PXDN: variants seen among roughly 807,000 people sequenced by gnomAD.
PXDN encodes the protein peroxidasin homolog.
A neutral mutation model predicts 140.3 loss-of-function variants in PXDN; 77 were observed. The observed-to-expected ratio is 0.55, with a 90% CI of 0.46 to 0.66. The LOEUF (loss-of-function observed/expected upper bound fraction) is 0.66, where lower values mean the gene tolerates loss of function less well. PXDN is among the 30% of genes least tolerant of loss of function. The probability of loss-of-function intolerance (pLI) is 0.00; values close to 1 mark genes in which losing one functional copy is unlikely to be tolerated. For missense variants in PXDN, 1,838 were observed against 2,039.5 expected, an observed-to-expected ratio of 0.90 and a Z score of 1.90; for synonymous variants, 911 against 857.4, an observed-to-expected ratio of 1.06 and a Z score of -1.09.
chr2:1,735,311 C>T (rs114010770), intron 1 of PXDN, among the ~76,000 whole-genome samples: 3,376 of 152,286 alleles, frequency 0.022, 53 homozygotes, highest in South Asian at 0.038. Flanking sequence ...AATGATGACT[C>T]CTTTCCAGAA....
At chr2:1,659,962 G>A (rs912496603) in intron 14 of PXDN, among the ~76,000 whole-genome samples, 2 of 152,228 alleles carry the variant, frequency 1.3e-5, no homozygotes, top group Non-Finnish European at 2.9e-5. Flanking sequence ...TAGAGTCACA[G>A]TGGAGGCCCG....
chr2:1,680,058 G>T (rs1342923983), intron 7 of PXDN, 135 bp downstream of exon 7: 1 of 1,151,308 alleles, frequency 8.7e-7, no homozygotes, highest in Non-Finnish European at 1.2e-6. Flanking sequence ...GTCTGCGCGT[G>T]TGTCTATAAA....
At chr2:1,657,052 C>T (rs1473958136) in intron 14 of PXDN, among the ~76,000 whole-genome samples, 1 of 150,734 alleles carries the variant, frequency 6.6e-6, no homozygotes, top group African/African-American at 2.4e-5. Flanking sequence ...TGACCTTGCC[C>T]CTCCTGAATG....
intron 9 of PXDN, among the ~76,000 whole-genome samples, chr2:1,672,908 G>A (rs754382879): frequency 2.6e-5 from 4 of 152,314 alleles, no homozygotes; most frequent in Non-Finnish European, 5.9e-5. Flanking sequence ...CAGCCTCCCT[G>A]GGTAAGGGCT....
intron 12 of PXDN, among the ~76,000 whole-genome samples, chr2:1,663,321 G>GA (rs935255307): frequency 6.6e-6 from 1 of 152,004 alleles, no homozygotes; most frequent in Non-Finnish European, 1.5e-5. Context: ...TTAACCAAGG[G>GA]AAAAAACCTG....
intron 1 of PXDN, among the ~76,000 whole-genome samples, chr2:1,721,796 A>T (rs1685059612): frequency 6.6e-6 from 1 of 151,194 alleles, no homozygotes; most frequent in African/African-American, 2.4e-5. Flanking sequence ...CCTGGGAGAC[A>T]GAGAGAGACT....
At chr2:1,653,427 G>C in intron 16 of PXDN, 1 of 792,696 alleles carries the variant, frequency 1.3e-6, no homozygotes, top group Non-Finnish European at 2.1e-6. Context: ...ACGTCCCCCA[G>C]AGATTCCTAT....
chr2:1,667,999 T>C lies in PXDN; in HGVS notation c.1019-1513A>G, dbSNP rs140021510. On this transcript the variant is annotated intron_variant, in intron 9 of 22. Transcript: ENST00000252804. ...AAAGCAGCCCGTATAGCCAAGACAATCTTAAGCAAAAAGAACAAAGCCGGA... is the reference window on the plus strand; with the variant it reads ...AAAGCAGCCCGTATAGCCAAGACAACCTTAAGCAAAAAGAACAAAGCCGGA... 2.5e-3 allele frequency among the ~76,000 whole-genome samples: 381 copies of C among 152,172 alleles called. 2 individuals are homozygous for C. Among genetic ancestry groups the C allele is most frequent in the Admixed American group, 4.3e-3 (66 of 15,292 alleles).
chr2:1,644,185 C>T (rs1234306968), intron 18 of PXDN, among the ~76,000 whole-genome samples: 1 of 149,198 alleles, frequency 6.7e-6, no homozygotes, highest in African/African-American at 2.5e-5. Flanking sequence ...GCAGTTATTT[C>T]AGGTCTGCTG....
chr2:1,681,588 C>G (rs953127866), intron 6 of PXDN, among the ~76,000 whole-genome samples: 3 of 152,106 alleles, frequency 2.0e-5, no homozygotes, highest in Admixed American at 6.5e-5. Flanking sequence ...GCTACACCTC[C>G]CATCCGAGGT....
chr2:1,700,671 C>T (rs1243157756), intron 1 of PXDN, among the ~76,000 whole-genome samples: 4 of 151,806 alleles, frequency 2.6e-5, no homozygotes, highest in Admixed American at 1.3e-4. Context: ...GTCAGGAGTT[C>T]GAGACCAGCT....
intron 8 of PXDN, among the ~76,000 whole-genome samples, chr2:1,675,293 G>C (rs1010639028): frequency 1.3e-5 from 2 of 152,188 alleles, no homozygotes; most frequent in African/African-American, 4.8e-5. Context: ...CAGGTCACCA[G>C]GCCTCAGGGC....
Position 1,644,670 on chromosome 2 carries a change from T to C in PXDN, c.3691A>G (p.Thr1231Ala). ...DLVPGSRLGPTLMCLLSTQFK... is the reference protein window; with the variant it reads ...DLVPGSRLGPALMCLLSTQFK... ...TGTGTGCTGAGAAGACACATCAGGG[T>C]GGGGCCCAGCCGGCTGCCAGGCACC... The change falls in exon 18 of 23, where the codon ACC (threonine) becomes GCC (alanine). Residue 1231 changes from threonine (T) to alanine (A), a missense_variant. Coordinates refer to ENST00000252804, the MANE Select transcript of PXDN (RefSeq NM_012293.3). 6.2e-7 allele frequency: 1 copy of C among 1,606,838 alleles called. No homozygotes were observed. The highest frequency in any genetic ancestry group is 8.5e-7 in the Non-Finnish European group (1 of 1,175,274).
Position 1,714,930 on chromosome 2 carries a change from A to T in PXDN, c.201-21796T>A, listed in dbSNP as rs987295996. 1.3e-5 allele frequency among the ~76,000 whole-genome samples: 2 copies of T among 151,930 alleles called. No homozygotes were observed. The highest frequency in any genetic ancestry group is 2.9e-5 in the Non-Finnish European group (2 of 68,006). On this transcript the variant is annotated intron_variant, in intron 1 of 22. Transcript: ENST00000252804. The surrounding 1 kb of genome is among the most constrained non-coding windows in gnomAD (Gnocchi z 4.3). ...TGTCCCAGATTAACCTATGTCTAGC[A>T]TTTATCTTTTGGGAGCATCAGGTTT...
chr2:1,743,747 G>A (rs1253072887), intron 1 of PXDN, among the ~76,000 whole-genome samples: 4 of 114,166 alleles, frequency 3.5e-5, no homozygotes, highest in African/African-American at 6.4e-5. Context: ...CGGAGGAGGG[G>A]AGCGAACAGG....
At chr2:1,704,307 A>AGGACAACTCCAGGTGAAGCGGG (rs1441684137) in intron 1 of PXDN, among the ~76,000 whole-genome samples, 4 of 81,494 alleles carry the variant, frequency 4.9e-5, no homozygotes, top group African/African-American at 2.3e-4. Flanking sequence ...AGGTGAAGGA[A>AGGACAACTCCAGGTGAAGCGGG]GGACAACTCC....
intron 10 of PXDN, 52 bp from the exon 11 acceptor site, chr2:1,665,126 A>G: frequency 7.4e-7 from 1 of 1,354,508 alleles, no homozygotes; most frequent in Non-Finnish European, 1.0e-6. Flanking sequence ...AGCCTGGGGT[A>G]AAAACGCGAC....
At chr2:1,742,123 T>C (rs941178036) in intron 1 of PXDN, among the ~76,000 whole-genome samples, 1 of 152,220 alleles carries the variant, frequency 6.6e-6, no homozygotes, top group Non-Finnish European at 1.5e-5. Flanking sequence ...CAGGACTCCA[T>C]TCTGGCCACC....
Position 1,662,023 on chromosome 2 carries a change from G to A in PXDN, c.1680+49C>T, listed in dbSNP as rs762209372. 59 of 1,496,794 alleles carry A rather than the reference G, an allele frequency of 3.9e-5. 1 individual carries two copies. Among genetic ancestry groups the A allele is most frequent in the East Asian group, 2.9e-4 (12 of 40,788 alleles). 92.7% of individuals were successfully genotyped at this position (1,496,794 alleles called of 1,614,324 possible). A position where few individuals can be genotyped will look rare whatever the true frequency, so the allele number is the denominator to read the frequency against. On this transcript the variant is annotated intron_variant, in intron 13 of 22. Transcript: ENST00000252804. ...TAGTGGGTGGTGTGGGTGCCAGCCC[G>A]TCTACCTTGTATCTGGGTGGTGGCT...
Sources: allele counts gnomAD v4.1 joint callset (sites outside exome capture counted in the v4.1 genomes callset), GRCh38; gene constraint gnomAD v4.1.1; non-coding constraint Gnocchi (gnomAD v3.1); transcripts MANE v1.5; gene names NCBI Gene and HGNC (gene_info 2026-07-23, HGNC 2026-07-21).